EPRS1: variants seen among roughly 807,000 people sequenced by gnomAD.
EPRS1 encodes bifunctional glutamate/proline--tRNA ligase.
Under a neutral mutation model 188.3 loss-of-function variants are expected in EPRS1, and 107 were observed. That is an observed-to-expected ratio of 0.57 (90% CI 0.49 to 0.67). The LOEUF is 0.67. Among genes scored for constraint, EPRS1 ranks in the 30% least tolerant of loss-of-function variants. The pLI is 0.00. For missense variants in EPRS1, 1,577 were observed against 1,802.2 expected (o/e 0.88, Z 2.26); for synonymous variants, 596 against 593.1 (o/e 1.00, Z -0.07).
chr1:220,039,701 G>C (rs1196893564), intron 2 of EPRS1, among the ~76,000 whole-genome samples: 2 of 152,068 alleles, frequency 1.3e-5, no homozygotes, highest in East Asian at 3.9e-4. Context: ...TGTATTTTTA[G>C]TAGAGACAGG....
intron 23 of EPRS1, chr1:219,982,526 T>C (rs1660918338): frequency 6.2e-6 from 2 of 323,066 alleles, no homozygotes; most frequent in Non-Finnish European, 1.1e-5. Context: ...TCCTAAAAAT[T>C]TACAGCATAA....
In EPRS1 at chr1:220,006,252, T is replaced by C; in HGVS notation, c.1804A>G (p.Lys602Glu). Reference protein sequence around the residue: ...AKLNLENKDYKKTTKVTWLAE... With the variant: ...AKLNLENKDYEKTTKVTWLAE... ...AGCCAAGTGACCTTAGTGGTTTTCTTGTAGTCTTTGTTTTCCAAATTCAAC... is the reference window on the plus strand; with the variant it reads ...AGCCAAGTGACCTTAGTGGTTTTCTCGTAGTCTTTGTTTTCCAAATTCAAC... Residue 602 changes from lysine (K) to glutamate (E), a missense_variant, in exon 15 of 32, where the codon AAG becomes GAG. Coordinates refer to ENST00000366923, the MANE Select transcript of EPRS1 (RefSeq NM_004446.3). The C allele has an allele frequency of 1.3e-6, 2 of 1,595,966 alleles. No homozygotes were observed. Among genetic ancestry groups the C allele is most frequent in the Non-Finnish European group, 8.5e-7 (1 of 1,169,826 alleles).
chr1:220,006,177 CA>C lies in EPRS1; in HGVS notation c.1878del (p.Tyr626Ter). The C allele has an allele frequency of 6.2e-7, 1 of 1,601,850 alleles. No homozygotes were observed. The highest frequency in any genetic ancestry group is 8.5e-7 in the Non-Finnish European group (1 of 1,172,634). ...AGCACTGGCTTTGTGATCAAGTGCT[CA>C]TAAGTGACACAGATTACTGGAATAG... The part of the protein sequence containing the change: ...ALPIPVICVT[Y>X]EHLITKPVLG... On this transcript the variant is annotated frameshift_variant, in exon 15 of 32. Transcript: ENST00000366923. LOFTEE classifies it high-confidence loss of function.
chr1:220,004,846 T>C (rs1263181863), intron 16 of EPRS1, among the ~76,000 whole-genome samples: 2 of 151,750 alleles, frequency 1.3e-5, no homozygotes, highest in Non-Finnish European at 2.9e-5. Context: ...AAAAAAAAAA[T>C]ACAAATACTG....
chr1:219,994,541 GAA>G (rs1260488328), intron 18 of EPRS1, among the ~76,000 whole-genome samples: 1 of 144,292 alleles, frequency 6.9e-6, no homozygotes, highest in African/African-American at 2.6e-5. Context: ...TATTAAAAAA[GAA>G]AAAGAAAAAA....
At chr1:220,045,855 T>C (rs987021308) in intron 1 of EPRS1, among the ~76,000 whole-genome samples, 2 of 152,038 alleles carry the variant, frequency 1.3e-5, no homozygotes, top group African/African-American at 4.8e-5. Context: ...CGATAAAACG[T>C]AAGGAAAATT....
intron 17 of EPRS1, among the ~76,000 whole-genome samples, chr1:220,000,075 T>C (rs17007032): frequency 3.8e-4 from 58 of 152,328 alleles, no homozygotes; most frequent in Non-Finnish European, 5.4e-4. Context: ...CATAGGTTTT[T>C]AGTGGTTTGC....
At chr1:219,985,468 C>A (rs979733402) in intron 20 of EPRS1, among the ~76,000 whole-genome samples, 9 of 152,212 alleles carry the variant, frequency 5.9e-5, no homozygotes, top group African/African-American at 2.2e-4. Context: ...TCTAGACTCA[C>A]TGCAACCTCC....
At chr1:220,010,178 G>A (rs1661572434) in intron 13 of EPRS1, among the ~76,000 whole-genome samples, 1 of 151,506 alleles carries the variant, frequency 6.6e-6, no homozygotes, top group African/African-American at 2.4e-5. Flanking sequence ...GACAGTGTAA[G>A]AGACTCTGAA....
At chr1:220,025,289 A>C in intron 6 of EPRS1, 31 bp from the exon 7 acceptor site, 3 of 1,550,546 alleles carry the variant, frequency 1.9e-6, no homozygotes, top group Non-Finnish European at 2.6e-6. Context: ...AAAGAAACTC[A>C]TTAACATGTT....
At position 220,032,537 on chromosome 1, in the gene EPRS1, A is replaced by G. The variant is rs763906017; in HGVS notation, c.389-11T>C. Reference sequence around the variant, plus strand: ...GCCAGGCAGCATTTCCTATGAGCAAAGATAATTTTAAACTATTCAATAAAT... The same window carrying G: ...GCCAGGCAGCATTTCCTATGAGCAAGGATAATTTTAAACTATTCAATAAAT... On this transcript the variant is annotated splice_polypyrimidine_tract_variant and intron_variant, in intron 4 of 31. Transcript: ENST00000366923. 2 of 1,612,260 alleles carry G rather than the reference A, an allele frequency of 1.2e-6. No individual in the cohort carries two copies. The highest frequency in any genetic ancestry group is 2.7e-5 in the African/African-American group (2 of 74,780).
chr1:219,978,611 G>A lies in EPRS1; in HGVS notation c.4018C>T (p.Arg1340Cys), dbSNP rs143796513. The A allele has an allele frequency of 2.7e-5, 43 of 1,608,440 alleles. No homozygotes were observed. Among genetic ancestry groups the A allele is most frequent in the Admixed American group, 2.0e-4 (12 of 59,366 alleles). ...TTATCTCGTAAATCAGCTCTAACGC[G>A]GATGTTAACACTGAGTAATCGCCTT... ...YRRRLLSVNI[R>C]VRADLRDNYS... The change falls in exon 28 of 32, where the codon CGC (arginine) becomes TGC (cysteine). Residue 1340 changes from arginine (R) to cysteine (C), a missense_variant. Coordinates refer to ENST00000366923, the MANE Select transcript of EPRS1 (RefSeq NM_004446.3).
chr1:219,971,786 A>ATC (rs1660669225), intron 30 of EPRS1, among the ~76,000 whole-genome samples: 2 of 139,638 alleles, frequency 1.4e-5, no homozygotes, highest in African/African-American at 5.2e-5. Flanking sequence ...AACAAAGACT[A>ATC]TATATATATA....
At position 220,029,833 on chromosome 1, in the gene EPRS1, T is replaced by G. The variant is rs539332522; in HGVS notation, c.623+553A>C. 1.4e-4 allele frequency among the ~76,000 whole-genome samples: 22 copies of G among 152,318 alleles called. No individual in the cohort carries two copies. In the South Asian group the frequency reaches 4.6e-3, roughly 32 times the overall value. On this transcript the variant is annotated intron_variant, in intron 6 of 31. Transcript: ENST00000366923. The stretch of plus-strand genomic sequence containing the variant: ...AAGGGCTGAAGCAGCCCCAGCCTGG[T>G]GATCACCATACAGAACAGTCTTTTT...
At position 220,025,118 on chromosome 1, in the gene EPRS1, A is replaced by T. The variant is rs962748774; in HGVS notation, c.750+14T>A. On this transcript the variant is annotated intron_variant, in intron 7 of 31. Transcript: ENST00000366923. ...ACTTTTCTGGCAAAGGGTCATCACT[A>T]CACTTTTAATTACCTTCTCAAAATC... 1 of 1,610,980 alleles carries T rather than the reference A, an allele frequency of 6.2e-7. No individual in the cohort carries two copies. Among genetic ancestry groups the T allele is most frequent in the Non-Finnish European group, 8.5e-7 (1 of 1,177,574 alleles).
rs758585716 is a variant in EPRS1 at position 220,024,302 on chromosome 1, T to C, written c.905A>G (p.Glu302Gly). 5.0e-6 allele frequency: 8 copies of C among 1,607,824 alleles called. No individual in the cohort carries two copies. The South Asian group carries it at 8.9e-5, about 18-fold the overall frequency. ...TTTAGAGTCTATCCTCTGCTCACGT[T>C]CTGCTTTCATCTGTTCAGCAGGAGT... ...DDTPAEQMKA[E>G]REQRIDSKHR... is the part of the protein sequence containing the mutation. Residue 302 changes from glutamate (E) to glycine (G), a missense_variant, in exon 8 of 32, where the codon GAA (glutamate) becomes GGA (glycine). Physicochemically the swap from Glu to Gly is moderately conservative, Grantham distance 98 (BLOSUM62 -2). Transcript: ENST00000366923.
chr1:220,020,136 C>T lies in EPRS1; in HGVS notation c.1201G>A (p.Asp401Asn). 6.2e-7 allele frequency: 1 copy of T among 1,614,044 alleles called. No homozygotes were observed. ...ATCCAGTAAAACTGCTCATCTCTGT[C>T]ATGGTATTCTGTTGTTCTCAGGGCA... ...THALRTTEYH[D>N]RDEQFYWIIE... The change falls in exon 10 of 32, where the codon GAC (aspartate) becomes AAC (asparagine). Residue 401 changes from aspartate to asparagine, a missense_variant. By Grantham distance (23) the Asp-to-Asn change is conservative (BLOSUM62 1). Coordinates refer to ENST00000366923, the MANE Select transcript of EPRS1 (RefSeq NM_004446.3).
intron 27 of EPRS1, 129 bp from the exon 28 acceptor site, chr1:219,978,848 TATA>T (rs566623948): frequency 2.4e-4 from 152 of 622,304 alleles, no homozygotes; most frequent in Middle Eastern, 1.5e-3. Context: ...TAATCTTATA[TATA>T]ATGTCTACTA....
chr1:220,013,801 G>A (rs76523895), intron 12 of EPRS1, among the ~76,000 whole-genome samples: 10,626 of 152,200 alleles, frequency 0.07, 495 homozygotes, highest in Non-Finnish European at 0.11. Flanking sequence ...ATGAAGGCCA[G>A]CAATAGAAAC....
Sources: allele counts gnomAD v4.1 joint callset (sites outside exome capture counted in the v4.1 genomes callset), GRCh38; gene constraint gnomAD v4.1.1; transcripts MANE v1.5; gene names NCBI Gene and HGNC (gene_info 2026-07-23, HGNC 2026-07-21).